The following TMEM132B variants were observed in gnomAD, a reference collection of about 807,000 sequenced individuals.
The protein encoded by TMEM132B is transmembrane protein 132B.
TMEM132B carries 18 observed loss-of-function variants against 90.8 expected under a neutral mutation model. The observed-to-expected ratio is 0.20, with a 90% CI of 0.14 to 0.29. TMEM132B has a LOEUF of 0.29. TMEM132B is among the 10% of genes least tolerant of loss of function. The pLI is 1.00. For missense variants in TMEM132B, 1,096 were observed against 1,326.8 expected, an observed-to-expected ratio of 0.83 and a Z score of 2.70; for synonymous variants, 504 against 523.3, an observed-to-expected ratio of 0.96 and a Z score of 0.50.
At chr12:125,572,883 G>A (rs965973963) in intron 4 of TMEM132B, among the ~76,000 whole-genome samples, 1 of 152,114 alleles carries the variant, frequency 6.6e-6, no homozygotes, top group Non-Finnish European at 1.5e-5. Context: ...GGACTCAGAA[G>A]CTTATTTTAT....
rs1880544759 is a variant in TMEM132B, at chr12:125,432,407, G to GTA, written c.1106+16731_1106+16732insAT. Among the ~76,000 whole-genome samples, 2 of 28,234 alleles carry GTA rather than the reference G, an allele frequency of 7.1e-5. 1 individual carries two copies. The highest frequency in any genetic ancestry group is 2.1e-4 in the African/African-American group (2 of 9,626). The allele number at this position is 28,234 out of a possible 152,430, so 18.5% of individuals were successfully genotyped here. On this transcript the variant is annotated intron_variant, in intron 3 of 8. Transcript: ENST00000682704. ...TATATATATATATATATGTATGTAT[G>GTA]TGTATATATATATATGTATGTGTAT... is the stretch of plus-strand genomic sequence containing the variant.
intron 4 of TMEM132B, among the ~76,000 whole-genome samples, chr12:125,534,053 G>A (rs1203383828): frequency 4.6e-5 from 7 of 152,154 alleles, no homozygotes; most frequent in African/African-American, 1.4e-4. Context: ...AGTGGCCGGC[G>A]AACTTCATAC....
At chr12:125,512,266 T>C (rs997619235) in intron 3 of TMEM132B, among the ~76,000 whole-genome samples, 1 of 152,156 alleles carries the variant, frequency 6.6e-6, no homozygotes, top group African/African-American at 2.4e-5. Flanking sequence ...TATTACCACA[T>C]GGGAATGTGG....
At chr12:125,546,919 C>T (rs1884106518) in intron 4 of TMEM132B, among the ~76,000 whole-genome samples, 1 of 152,150 alleles carries the variant, frequency 6.6e-6, no homozygotes, top group Non-Finnish European at 1.5e-5. Context: ...GGGGAAGCCT[C>T]AGGAAACTTA....
At chr12:125,645,332 A>G (rs1183639921) in intron 6 of TMEM132B, among the ~76,000 whole-genome samples, 1 of 152,146 alleles carries the variant, frequency 6.6e-6, no homozygotes, top group African/African-American at 2.4e-5. Flanking sequence ...CTACAATCCC[A>G]AATCAATGGA....
chr12:125,319,394 A>G (rs955509733), intron 1 of TMEM132B, among the ~76,000 whole-genome samples: 2 of 152,204 alleles, frequency 1.3e-5, no homozygotes, highest in African/African-American at 4.8e-5. Flanking sequence ...CAACGCCTCC[A>G]CATTAACGAG....
intron 5 of TMEM132B, among the ~76,000 whole-genome samples, chr12:125,612,084 G>A (rs11058264): frequency 0.36 from 54,707 of 151,910 alleles, 10,123 homozygotes; most frequent in African/African-American, 0.43. Flanking sequence ...CTGGGGCTCT[G>A]TTTTTTGGTG....
At chr12:125,363,743 A>G (rs1341224760) in intron 2 of TMEM132B, among the ~76,000 whole-genome samples, 1 of 152,198 alleles carries the variant, frequency 6.6e-6, no homozygotes, top group East Asian at 1.9e-4. Flanking sequence ...TTAGAAAGAT[A>G]AGTGACTTCC....
At chr12:125,239,466 T>C (rs1450875337) in intron 1 of TMEM132B, among the ~76,000 whole-genome samples, 1 of 152,196 alleles carries the variant, frequency 6.6e-6, no homozygotes, top group Admixed American at 6.5e-5. Flanking sequence ...TCCAGGAACT[T>C]AGGGAGTTCC....
intron 2 of TMEM132B, among the ~76,000 whole-genome samples, chr12:125,399,542 G>T (rs2136317812): frequency 6.6e-6 from 1 of 150,722 alleles, no homozygotes; most frequent in South Asian, 2.1e-4. Flanking sequence ...CTATAGGAGA[G>T]GCATGGAATG....
chr12:125,489,302 T>C (rs908478813), intron 3 of TMEM132B, among the ~76,000 whole-genome samples: 2 of 152,218 alleles, frequency 1.3e-5, no homozygotes, highest in Non-Finnish European at 2.9e-5. Flanking sequence ...AAGTGATTTG[T>C]CCAAGGTCAC....
intron 4 of TMEM132B, among the ~76,000 whole-genome samples, chr12:125,571,734 G>A (rs574416537): frequency 6.6e-6 from 1 of 152,252 alleles, no homozygotes; most frequent in East Asian, 1.9e-4. Context: ...TTATTTTAAT[G>A]AACTGCTTGA....
At chr12:125,469,388 A>G (rs1290684655) in intron 3 of TMEM132B, among the ~76,000 whole-genome samples, 1 of 152,252 alleles carries the variant, frequency 6.6e-6, no homozygotes, top group Non-Finnish European at 1.5e-5. Context: ...CCTCATTCTC[A>G]TTCATACAGT....
intron 5 of TMEM132B, among the ~76,000 whole-genome samples, chr12:125,615,739 T>C (rs1180662489): frequency 6.6e-6 from 1 of 152,198 alleles, no homozygotes; most frequent in African/African-American, 2.4e-5. Flanking sequence ...ACATCTGTGC[T>C]CTCTCATAGG....
At chr12:125,233,012 A>G (rs77268816) in intron 1 of TMEM132B, among the ~76,000 whole-genome samples, 7,446 of 152,230 alleles carry the variant, frequency 0.049, 208 homozygotes, top group Non-Finnish European at 0.062. Flanking sequence ...ATTCCATACC[A>G]CTGTGAGTGT....
intron 5 of TMEM132B, among the ~76,000 whole-genome samples, chr12:125,627,589 C>G (rs2136986035): frequency 6.6e-6 from 1 of 151,994 alleles, no homozygotes; most frequent in African/African-American, 2.4e-5. Flanking sequence ...TGTTTTGATA[C>G]AGGCATGTGA....
At chr12:125,577,349 A>G (rs1207281917) in intron 4 of TMEM132B, among the ~76,000 whole-genome samples, 1 of 151,236 alleles carries the variant, frequency 6.6e-6, no homozygotes, top group Non-Finnish European at 1.5e-5. Context: ...AGAAATCTGA[A>G]TCTCCTCTGC....
Position 125,304,246 on chromosome 12 carries a change from C to T in TMEM132B, c.68-45206C>T, listed in dbSNP as rs570080306. On this transcript the variant is annotated intron_variant, in intron 1 of 8. Transcript: ENST00000682704. Reference sequence around the variant, plus strand: ...GCGGCGGTAAACACAGATGAAGCTTCGCTTGCCCACTGGCCGGGCTTTCCT... The same window carrying T: ...GCGGCGGTAAACACAGATGAAGCTTTGCTTGCCCACTGGCCGGGCTTTCCT... 5.3e-5 allele frequency among the ~76,000 whole-genome samples: 8 copies of T among 152,338 alleles called. No homozygotes were observed. In the East Asian group the frequency reaches 5.8e-4, roughly 11 times the overall value.
At chr12:125,566,359 C>A (rs1884657353) in intron 4 of TMEM132B, among the ~76,000 whole-genome samples, 1 of 152,092 alleles carries the variant, frequency 6.6e-6, no homozygotes. Flanking sequence ...TAAGGGTTTC[C>A]TCCTCATAGA....
Sources: gnomAD v4.1 joint callset for allele counts (sites outside exome capture counted in the v4.1 genomes callset) on GRCh38, gnomAD v4.1.1 for gene constraint, MANE v1.5 for transcripts, NCBI Gene and HGNC (gene_info 2026-07-23, HGNC 2026-07-21) for gene names.